The following INPP4B variants were observed in gnomAD, a reference collection of about 807,000 sequenced individuals.
INPP4B encodes the protein inositol polyphosphate-4-phosphatase type II B.
In INPP4B, 55 loss-of-function variants were observed where a neutral mutation model predicts 122.5. The ratio of observed to expected loss-of-function variants is 0.45; its 90% CI spans 0.36 to 0.56. The LOEUF (loss-of-function observed/expected upper bound fraction) is 0.56. INPP4B is among the 20% of genes least tolerant of loss of function. The pLI is 0.00. For synonymous variants in INPP4B, 403 were observed against 388.7 expected (o/e 1.04, Z -0.43); for missense variants, 1,000 against 1,097.7 (o/e 0.91, Z 1.26).
chr4:142,415,653 A>G (rs1287048924), intron 5 of INPP4B, among the ~76,000 whole-genome samples: 1 of 152,094 alleles, frequency 6.6e-6, no homozygotes. Context: ...CCATTACTGG[A>G]TATATACCCA....
At chr4:142,168,317 T>C (rs1272801669) in intron 16 of INPP4B, among the ~76,000 whole-genome samples, 1 of 151,634 alleles carries the variant, frequency 6.6e-6, no homozygotes, top group Non-Finnish European at 1.5e-5. Flanking sequence ...TTGATTTTTC[T>C]TCTGGTCACG....
intron 5 of INPP4B, among the ~76,000 whole-genome samples, chr4:142,415,075 A>T (rs1805393518): frequency 6.6e-6 from 1 of 152,148 alleles, no homozygotes; most frequent in African/African-American, 2.4e-5. Context: ...GCCTTTTACC[A>T]CCCTTTCTCC....
At chr4:142,472,198 A>G (rs1818956987) in intron 2 of INPP4B, among the ~76,000 whole-genome samples, 1 of 152,152 alleles carries the variant, frequency 6.6e-6, no homozygotes, top group Non-Finnish European at 1.5e-5. Flanking sequence ...AGAGAAAATA[A>G]TACATTTATG....
rs192758906 is a variant in INPP4B, at chr4:142,084,776, A to G, written c.2487+1368T>C. Among the ~76,000 whole-genome samples the G allele has an allele frequency of 5.3e-4, 81 of 152,278 alleles. 1 individual carries two copies. The East Asian group carries it at 0.013, about 24-fold the overall frequency. ...AAAATGGGAAATTGCATATACTAAA[A>G]TACACATTTGTGTTTATACATGTGT... On this transcript the variant is annotated intron_variant, in intron 24 of 25. Coordinates refer to ENST00000262992, the MANE Select transcript of INPP4B (RefSeq NM_001101669.3).
rs564637655 is a variant in INPP4B, at chr4:142,108,133, T to C, written c.2334A>G (p.Gln778=). Residue 778 remains glutamine, a synonymous_variant, in exon 23 of 26, where the codon CAA becomes CAG. Coordinates refer to ENST00000262992, the MANE Select transcript of INPP4B (RefSeq NM_001101669.3). ...SINQENFELL[Q]EYYKIFMEKM... is the part of the protein sequence containing the mutation. ...TTTCCATAAATATCTTGTAATATTC[T>C]TGTAGAAGTTCGAAGTTTTCCTGAT... 5.6e-6 allele frequency: 9 copies of C among 1,595,590 alleles called. No individual in the cohort carries two copies. The African/African-American group carries it at 6.7e-5, about 12-fold the overall frequency.
chr4:142,538,125 T>G (rs1361776919), intron 2 of INPP4B, among the ~76,000 whole-genome samples: 2 of 152,146 alleles, frequency 1.3e-5, no homozygotes, highest in Admixed American at 6.5e-5. Flanking sequence ...AGGCACTAAA[T>G]AGCACAGCAT....
At chr4:142,179,597 C>T (rs918640242) in intron 15 of INPP4B, among the ~76,000 whole-genome samples, 2 of 99,094 alleles carry the variant, frequency 2.0e-5, no homozygotes, top group African/African-American at 6.9e-5. Context: ...GAAAATTCCC[C>T]CTCTAAGAAA....
intron 7 of INPP4B, among the ~76,000 whole-genome samples, chr4:142,332,606 T>G (rs1326070880): frequency 2.0e-5 from 3 of 152,116 alleles, no homozygotes; most frequent in Non-Finnish European, 4.4e-5. Flanking sequence ...CATTTTCATG[T>G]AAAGTTAAGA....
intron 14 of INPP4B, among the ~76,000 whole-genome samples, chr4:142,197,563 T>C (rs1838852019): frequency 6.6e-6 from 1 of 152,204 alleles, no homozygotes; most frequent in South Asian, 2.1e-4. Context: ...AAGACTCATA[T>C]TCTTCACTGG....
intron 18 of INPP4B, among the ~76,000 whole-genome samples, chr4:142,134,585 C>T (rs902448674): frequency 3.0e-4 from 45 of 151,952 alleles, no homozygotes; most frequent in South Asian, 8.3e-4. Context: ...CACCTGAGGT[C>T]GGGAGTTCGA....
intron 12 of INPP4B, among the ~76,000 whole-genome samples, chr4:142,222,138 T>C (rs1252303093): frequency 6.6e-6 from 1 of 152,146 alleles, no homozygotes. Flanking sequence ...TTTTGTAGTT[T>C]TAGTAGAGAC....
chr4:142,834,770 T>C (rs1233140997), intron 1 of INPP4B, among the ~76,000 whole-genome samples: 1 of 152,196 alleles, frequency 6.6e-6, no homozygotes, highest in African/African-American at 2.4e-5. Context: ...TCTTTATCAG[T>C]ACCACATCGC....
At chr4:142,210,823 C>T (rs1451256216) in intron 12 of INPP4B, among the ~76,000 whole-genome samples, 4 of 152,004 alleles carry the variant, frequency 2.6e-5, no homozygotes, top group Non-Finnish European at 5.9e-5. Context: ...GGGGGGATGA[C>T]GAGGAAGGTA....
At chr4:142,409,853 A>G (rs375627580) in intron 5 of INPP4B, among the ~76,000 whole-genome samples, 29 of 152,332 alleles carry the variant, frequency 1.9e-4, no homozygotes, top group African/African-American at 6.7e-4. Context: ...GCTTACAGCT[A>G]CTACCTAGCC....
intron 1 of INPP4B, among the ~76,000 whole-genome samples, chr4:142,764,482 T>TA (rs577305267): frequency 0.011 from 1,601 of 149,606 alleles, 35 homozygotes; most frequent in South Asian, 0.036. Context: ...TACTGTCAAA[T>TA]AAAAAAAAAA....
chr4:142,623,172 CAG>C lies in INPP4B; in HGVS notation c.-191+102665_-191+102666del, dbSNP rs1423833165. Among the ~76,000 whole-genome samples the C allele has an allele frequency of 6.6e-5, 10 of 152,052 alleles. No individual in the cohort carries two copies. In the South Asian group the frequency reaches 1.9e-3, roughly 28 times the overall value. On this transcript the variant is annotated intron_variant, in intron 2 of 25. Transcript: ENST00000262992. ...TATCTATCACAGTCGCAAATATACA[CAG>C]AGTCTGTACAACTTCTGCATCTTCT...
chr4:142,397,901 C>T (rs1799878667), intron 7 of INPP4B, among the ~76,000 whole-genome samples: 1 of 151,684 alleles, frequency 6.6e-6, no homozygotes, highest in Admixed American at 6.6e-5. Flanking sequence ...ATAAAAGTGC[C>T]ATACTACTGT....
rs1056361006 is a variant in INPP4B at position 142,782,445 on chromosome 4, G to A, written c.-253-56544C>T. ...GTGAATAGTGCCACAATAAACATAC[G>A]TGTGCATGTGTCTTTATAGCAGCAT... On this transcript the variant is annotated intron_variant, in intron 1 of 25. Coordinates refer to ENST00000262992, the MANE Select transcript of INPP4B (RefSeq NM_001101669.3). 2.0e-5 allele frequency among the ~76,000 whole-genome samples: 3 copies of A among 151,874 alleles called. 1 individual carries two copies. Among genetic ancestry groups the A allele is most frequent in the South Asian group, 4.2e-4 (2 of 4,776 alleles).
intron 2 of INPP4B, among the ~76,000 whole-genome samples, chr4:142,579,737 T>C (rs564917619): frequency 1.3e-5 from 2 of 151,742 alleles, no homozygotes; most frequent in South Asian, 4.2e-4. Context: ...CAGACTAGAA[T>C]TAAACTCTTA....
Sources: gnomAD v4.1 joint callset for allele counts (sites outside exome capture counted in the v4.1 genomes callset) on GRCh38, gnomAD v4.1.1 for gene constraint, MANE v1.5 for transcripts, NCBI Gene and HGNC (gene_info 2026-07-23, HGNC 2026-07-21) for gene names.